The following PLCL2 variants were observed in gnomAD, a reference collection of about 807,000 sequenced individuals.
The protein encoded by PLCL2 is phospholipase C like 2.
PLCL2 carries 4 observed loss-of-function variants against 79.6 expected under a neutral mutation model. The observed-to-expected ratio is 0.05, with a 90% CI of 0.02 to 0.11. The LOEUF is 0.11. Ranked by LOEUF, PLCL2 falls within the 10% of genes least tolerant of loss-of-function variation. The pLI is 1.00. For missense variants in PLCL2, 895 were observed against 1,291.0 expected, an observed-to-expected ratio of 0.69 and a Z score of 4.70; for synonymous variants, 484 against 457.7, an observed-to-expected ratio of 1.06 and a Z score of -0.73.
At chr3:17,056,317 A>G (rs939053652) in intron 4 of PLCL2, among the ~76,000 whole-genome samples, 1 of 152,202 alleles carries the variant, frequency 6.6e-6, no homozygotes, top group African/African-American at 2.4e-5. Context: ...AAGGTTATAT[A>G]TATACACACA....
chr3:16,963,158 TA>T (rs1280092401), intron 1 of PLCL2, among the ~76,000 whole-genome samples: 2 of 152,072 alleles, frequency 1.3e-5, no homozygotes, highest in Non-Finnish European at 2.9e-5. Flanking sequence ...TTTGCAATAT[TA>T]AAAAATTTTG....
chr3:16,930,504 A>ATATATATAT (rs1365902517), intron 1 of PLCL2, among the ~76,000 whole-genome samples: 3 of 152,232 alleles, frequency 2.0e-5, no homozygotes, highest in Admixed American at 6.5e-5. Context: ...TTTGATCAGA[A>ATATATATAT]CTGCTATAAA....
At chr3:16,964,489 A>G (rs12330560) in intron 1 of PLCL2, among the ~76,000 whole-genome samples, 171 of 152,304 alleles carry the variant, frequency 1.1e-3, no homozygotes, top group African/African-American at 4.0e-3. Context: ...ATACGTGTGC[A>G]TGTGTCTTTA....
chr3:17,068,820 C>T (rs1331678313), intron 5 of PLCL2, among the ~76,000 whole-genome samples: 2 of 152,050 alleles, frequency 1.3e-5, no homozygotes, highest in East Asian at 1.9e-4. Context: ...GTATGTACCT[C>T]GAAACTTTTT....
At chr3:16,908,069 A>G (rs1029484844) in intron 1 of PLCL2, among the ~76,000 whole-genome samples, 1 of 151,854 alleles carries the variant, frequency 6.6e-6, no homozygotes, top group Non-Finnish European at 1.5e-5. Context: ...TTGACTCCCT[A>G]CCTCCCTTTC....
intron 1 of PLCL2, among the ~76,000 whole-genome samples, chr3:16,968,434 C>T (rs562441539): frequency 5.5e-4 from 83 of 152,170 alleles, no homozygotes; most frequent in African/African-American, 1.7e-3. Context: ...TTTGTGTCAT[C>T]TCTGATTTCT....
rs377128410 is a variant in PLCL2 at position 17,038,409 on chromosome 3, C to G, written c.3019-4465C>G. Among the ~76,000 whole-genome samples, 9 of 152,302 alleles carry G rather than the reference C, an allele frequency of 5.9e-5. 1 individual carries two copies. Among genetic ancestry groups the G allele is most frequent in the Admixed American group, 6.5e-5 (1 of 15,296 alleles). ...GGGCTTGATGAAATTCATGCATTTG[C>G]ATTAATGCAAATAATGCTTATATAA... On this transcript the variant is annotated intron_variant, in intron 3 of 5. Coordinates refer to ENST00000615277, the MANE Select transcript of PLCL2 (RefSeq NM_001144382.2).
intron 1 of PLCL2, among the ~76,000 whole-genome samples, chr3:16,891,231 A>T (rs946721993): frequency 2.0e-5 from 3 of 152,222 alleles, no homozygotes; most frequent in African/African-American, 7.2e-5. Flanking sequence ...GGCCTTGGGC[A>T]AGATACTGAA....
chr3:16,907,730 C>A (rs1317043354), intron 1 of PLCL2, among the ~76,000 whole-genome samples: 7 of 152,046 alleles, frequency 4.6e-5, no homozygotes, highest in Admixed American at 4.6e-4. Flanking sequence ...TAAAGCACAG[C>A]TTTCAATAAT....
chr3:16,970,849 A>T (rs1302548592), intron 1 of PLCL2, among the ~76,000 whole-genome samples: 2 of 150,344 alleles, frequency 1.3e-5, no homozygotes, highest in African/African-American at 2.4e-5. Flanking sequence ...TTTTGGCTGC[A>T]TAAATGTCTT....
chr3:16,950,530 C>T (rs1348230224), intron 1 of PLCL2, among the ~76,000 whole-genome samples: 1 of 151,106 alleles, frequency 6.6e-6, no homozygotes, highest in African/African-American at 2.4e-5. Flanking sequence ...TTTTAAAATA[C>T]TGACAGTGTT....
chr3:16,975,094 A>G (rs896116262), intron 1 of PLCL2, among the ~76,000 whole-genome samples: 1 of 152,206 alleles, frequency 6.6e-6, no homozygotes, highest in Non-Finnish European at 1.5e-5. Flanking sequence ...GGCATGGAGA[A>G]TTCCAGTCTG....
At position 17,012,170 on chromosome 3, in the gene PLCL2, T is replaced by G. The variant is rs1477201047; in HGVS notation, c.2814+10T>G. ...GAGAGAAAACATGCAGGTGCGTGCT[T>G]GTGTTTAATCATTTACTCAATGGTT... On this transcript the variant is annotated intron_variant, in intron 2 of 5. Coordinates refer to ENST00000615277, the MANE Select transcript of PLCL2 (RefSeq NM_001144382.2). 1.9e-6 allele frequency: 3 copies of G among 1,598,088 alleles called. No individual in the cohort carries two copies. Among genetic ancestry groups the G allele is most frequent in the Non-Finnish European group, 2.6e-6 (3 of 1,171,016 alleles).
chr3:17,043,150 A>G (rs1230985469), intron 4 of PLCL2, among the ~76,000 whole-genome samples: 1 of 152,190 alleles, frequency 6.6e-6, no homozygotes, highest in Non-Finnish European at 1.5e-5. Context: ...AAATACATTA[A>G]CATTGGTCTG....
At chr3:16,975,256 G>A (rs1463386747) in intron 1 of PLCL2, among the ~76,000 whole-genome samples, 1 of 152,160 alleles carries the variant, frequency 6.6e-6, no homozygotes, top group African/African-American at 2.4e-5. Flanking sequence ...GCTCCCCAGG[G>A]AAGTCTTGGT....
intron 1 of PLCL2, among the ~76,000 whole-genome samples, chr3:16,913,677 A>G (rs895111485): frequency 1.3e-5 from 2 of 152,130 alleles, no homozygotes; most frequent in Non-Finnish European, 2.9e-5. Context: ...TGAATAGAAT[A>G]TGAATATATA....
intron 4 of PLCL2, among the ~76,000 whole-genome samples, chr3:17,047,830 G>C (rs2064797008): frequency 6.6e-6 from 1 of 152,182 alleles, no homozygotes; most frequent in African/African-American, 2.4e-5. Flanking sequence ...GGTGTTAATA[G>C]TTAAATTCCA....
In PLCL2 at chr3:16,911,679, C is replaced by T. The variant is rs193174064; in HGVS notation, c.327+26313C>T. Among the ~76,000 whole-genome samples the T allele has an allele frequency of 7.9e-4, 120 of 152,286 alleles. 1 individual carries two copies. The highest frequency in any genetic ancestry group is 3.6e-3 in the Admixed American group (55 of 15,306). ...ACAACTCAAATGGTGAAGAGGAAACCTGAACTGTCTCTAGTTATTTTTAGG... is the reference window on the plus strand; with the variant it reads ...ACAACTCAAATGGTGAAGAGGAAACTTGAACTGTCTCTAGTTATTTTTAGG... On this transcript the variant is annotated intron_variant, in intron 1 of 5. Transcript: ENST00000615277.
chr3:16,974,348 G>A (rs1035131874), intron 1 of PLCL2, among the ~76,000 whole-genome samples: 1 of 152,190 alleles, frequency 6.6e-6, no homozygotes, highest in Non-Finnish European at 1.5e-5. Context: ...GATGACCTCA[G>A]AGACATAATG....
Sources: gnomAD v4.1 joint callset for allele counts (sites outside exome capture counted in the v4.1 genomes callset) on GRCh38, gnomAD v4.1.1 for gene constraint, MANE v1.5 for transcripts, NCBI Gene and HGNC (gene_info 2026-07-23, HGNC 2026-07-21) for gene names.